Variants in CUL1 observed in about 807,000 individuals in gnomAD.
The protein encoded by CUL1 is cullin 1, also known as cullin-1.
In CUL1, 24 loss-of-function variants were observed where a neutral mutation model predicts 118.0. That is an observed-to-expected ratio of 0.20 (90% CI 0.15 to 0.29). The LOEUF is 0.29. Ranked by LOEUF, CUL1 falls within the 10% of genes least tolerant of loss-of-function variation. CUL1 has a pLI of 1.00. For missense variants in CUL1, 361 were observed against 933.8 expected (o/e 0.39, Z 7.99); for synonymous variants, 332 against 340.4 (o/e 0.98, Z 0.27).
rs183606059 is a variant in CUL1, at chr7:148,712,776, C to T, written c.-162+13747C>T. On this transcript the variant is annotated intron_variant, in intron 1 of 21. Coordinates refer to ENST00000325222, the MANE Select transcript of CUL1 (RefSeq NM_003592.3). ...CAGGCGCAGAAGTTAAGGAATCTGACCAAGCTCACACTGCCAGTGACTTGT... is the reference window on the plus strand; with the variant it reads ...CAGGCGCAGAAGTTAAGGAATCTGATCAAGCTCACACTGCCAGTGACTTGT... Among the ~76,000 whole-genome samples the T allele has an allele frequency of 2.0e-4, 30 of 152,292 alleles. No individual in the cohort carries two copies. The East Asian group carries it at 5.8e-3, about 29-fold the overall frequency.
intron 11 of CUL1, among the ~76,000 whole-genome samples, chr7:148,785,382 T>A (rs1800780142): frequency 6.6e-6 from 1 of 151,918 alleles, no homozygotes; most frequent in African/African-American, 2.4e-5. Context: ...TTTTTGAGAC[T>A]TAGTCTTACT....
intron 1 of CUL1, among the ~76,000 whole-genome samples, chr7:148,700,397 GA>G (rs1317645271): frequency 6.6e-6 from 1 of 152,174 alleles, no homozygotes; most frequent in Admixed American, 6.5e-5. Context: ...TGGTGCACCC[GA>G]AAATGTACCC....
intron 1 of CUL1, among the ~76,000 whole-genome samples, chr7:148,703,095 A>T (rs1205670109): frequency 2.0e-5 from 3 of 152,206 alleles, no homozygotes; most frequent in African/African-American, 7.2e-5. Flanking sequence ...TCAGGCTTTT[A>T]ACCAGATGTT....
At chr7:148,794,069 C>A (rs1801104790) in intron 17 of CUL1, among the ~76,000 whole-genome samples, 1 of 151,712 alleles carries the variant, frequency 6.6e-6, no homozygotes, top group African/African-American at 2.4e-5. Context: ...TGATCAAATT[C>A]TTTGCCCATT....
intron 2 of CUL1, among the ~76,000 whole-genome samples, chr7:148,734,035 AAAAAAG>A (rs1291310658): frequency 1.1e-4 from 16 of 141,040 alleles, no homozygotes; most frequent in Non-Finnish European, 8.0e-5. Flanking sequence ...AAGCCAAAAA[AAAAAAG>A]AAAAGAAAAG....
At chr7:148,751,359 C>A (rs1485443133) in intron 2 of CUL1, among the ~76,000 whole-genome samples, 1 of 151,838 alleles carries the variant, frequency 6.6e-6, no homozygotes. Context: ...ACCAACCTGA[C>A]CAATATGGTG....
At chr7:148,743,546 G>C (rs1235369558) in intron 2 of CUL1, among the ~76,000 whole-genome samples, 1 of 152,174 alleles carries the variant, frequency 6.6e-6, no homozygotes, top group African/African-American at 2.4e-5. Flanking sequence ...TTGCTGAGAG[G>C]AATGTTGAAT....
chr7:148,789,709 T>C, intron 14 of CUL1, 41 bp from the exon 15 acceptor site: 2 of 1,493,164 alleles, frequency 1.3e-6, no homozygotes, highest in Non-Finnish European at 1.9e-6. Context: ...CTAATTAATG[T>C]ATTCCAGAAT....
intron 9 of CUL1, among the ~76,000 whole-genome samples, chr7:148,782,454 T>A (rs1328753905): frequency 6.6e-6 from 1 of 152,248 alleles, no homozygotes; most frequent in Admixed American, 6.5e-5. Flanking sequence ...GATGGTAATT[T>A]TAAAATATTA....
intron 1 of CUL1, among the ~76,000 whole-genome samples, chr7:148,728,196 A>G (rs905433370): frequency 6.6e-6 from 1 of 152,198 alleles, no homozygotes; most frequent in Admixed American, 6.5e-5. Flanking sequence ...TTGTGGATAC[A>G]TGTGGCATTG....
chr7:148,731,691 C>G (rs1798767258), intron 2 of CUL1, among the ~76,000 whole-genome samples: 2 of 152,182 alleles, frequency 1.3e-5, no homozygotes, highest in Non-Finnish European at 2.9e-5. Flanking sequence ...ACTCCTCATG[C>G]CCTCTTCCCC....
rs1045967549 is a variant in CUL1 at position 148,800,923 on chromosome 7, C to T, written c.*341C>T. The T allele has an allele frequency of 4.9e-6, 1 of 205,332 alleles. No homozygotes were observed. The highest frequency in any genetic ancestry group is 2.3e-5 in the African/African-American group (1 of 43,158). 12.7% of individuals were successfully genotyped at this position (205,332 alleles called of 1,614,324 possible). ...GGCAGCACTTGTCACGTTGGCAGCACTTTGAGAGCAAGTCTGAGTGGACCC... is the reference window on the plus strand; with the variant it reads ...GGCAGCACTTGTCACGTTGGCAGCATTTTGAGAGCAAGTCTGAGTGGACCC... On this transcript the variant is annotated 3_prime_UTR_variant, in exon 22 of 22. Coordinates refer to ENST00000325222, the MANE Select transcript of CUL1 (RefSeq NM_003592.3). The surrounding 1 kb of genome is among the most constrained non-coding windows in gnomAD (Gnocchi z 4.6).
At chr7:148,783,306 T>C in intron 9 of CUL1, 1 of 984,822 alleles carries the variant, frequency 1.0e-6, no homozygotes, top group Non-Finnish European at 1.2e-6. Context: ...GATCCGCGCC[T>C]CTGGTTTGCA....
intron 9 of CUL1, among the ~76,000 whole-genome samples, chr7:148,776,519 G>A (rs1800407015): frequency 6.6e-6 from 1 of 151,758 alleles, no homozygotes; most frequent in Admixed American, 6.6e-5. Flanking sequence ...GTTTCACTAT[G>A]TTGGCTAGGC....
chr7:148,710,187 A>C lies in CUL1; in HGVS notation c.-162+11158A>C, dbSNP rs532235667. The stretch of plus-strand genomic sequence containing the variant: ...AAAACCCACCACTCTTAGGGTGACA[A>C]ATAAATACAAATTGTACAGACCATG... On this transcript the variant is annotated intron_variant, in intron 1 of 21. Transcript: ENST00000325222. Among the ~76,000 whole-genome samples the C allele has an allele frequency of 1.1e-4, 17 of 152,144 alleles. 1 individual carries two copies. Among genetic ancestry groups the C allele is most frequent in the African/African-American group, 4.1e-4 (17 of 41,552 alleles).
Position 148,798,595 on chromosome 7 carries a change from A to T in CUL1, c.2054A>T (p.Asn685Ile). Residue 685 changes from asparagine to isoleucine, a missense_variant, in exon 20 of 22, where the codon AAT becomes ATT. By Grantham distance (149) the Asn-to-Ile change is moderately radical. This residue lies in a region of CUL1 where 24 missense variants were observed against 126.7 expected (regional missense o/e 0.19). Transcript: ENST00000325222. ...YKNKKLRVNINVPMKTEQKQE... is the reference protein window; with the variant it reads ...YKNKKLRVNIIVPMKTEQKQE... ...AGTAAGAAATTAAGGGTTAACATCA[A>T]TGTGCCAATGAAAACCGAACAGAAG... is the stretch of plus-strand genomic sequence containing the variant. The T allele has an allele frequency of 6.2e-7, 1 of 1,614,010 alleles. No homozygotes were observed. The highest frequency in any genetic ancestry group is 2.2e-5 in the East Asian group (1 of 44,894).
chr7:148,759,417 G>A (rs780226065), intron 5 of CUL1, 63 bp downstream of exon 5: 77 of 1,564,412 alleles, frequency 4.9e-5, no homozygotes, highest in Non-Finnish European at 6.7e-5. Context: ...TCGTTGCTTA[G>A]CTTTTGTCTC....
At chr7:148,721,968 T>C (rs1022267308) in intron 1 of CUL1, among the ~76,000 whole-genome samples, 1 of 152,234 alleles carries the variant, frequency 6.6e-6, no homozygotes, top group East Asian at 1.9e-4. Context: ...TAAATTGTTT[T>C]ACTGTCGGTT....
intron 2 of CUL1, among the ~76,000 whole-genome samples, chr7:148,752,380 C>T (rs1417559921): frequency 4.0e-5 from 6 of 149,578 alleles, no homozygotes; most frequent in Non-Finnish European, 7.4e-5. Flanking sequence ...CATGAGTATA[C>T]AGTAGTTGTT....
Sources: allele counts gnomAD v4.1 joint callset (sites outside exome capture counted in the v4.1 genomes callset), GRCh38; gene constraint gnomAD v4.1.1; regional missense constraint gnomAD v4.1.1; non-coding constraint Gnocchi (gnomAD v3.1); transcripts MANE v1.5; gene names NCBI Gene and HGNC (gene_info 2026-07-23, HGNC 2026-07-21).